ZNF385D: variants seen among roughly 807,000 people sequenced by gnomAD.
ZNF385D encodes the protein zinc finger protein 659.
Under a neutral mutation model 35.8 loss-of-function variants are expected in ZNF385D, and 15 were observed. The ratio of observed to expected loss-of-function variants is 0.42; its 90% CI spans 0.28 to 0.64. The LOEUF (loss-of-function observed/expected upper bound fraction) is 0.64. Ranked by LOEUF, ZNF385D falls within the 30% of genes least tolerant of loss-of-function variation. ZNF385D has a pLI of 0.23. For missense variants in ZNF385D, 474 were observed against 494.6 expected, an observed-to-expected ratio of 0.96 and a Z score of 0.39; for synonymous variants, 212 against 186.8, an observed-to-expected ratio of 1.13 and a Z score of -1.10.
At chr3:21,763,342 T>A (rs1414908059) in intron 3 of ZNF385D, among the ~76,000 whole-genome samples, 2 of 152,182 alleles carry the variant, frequency 1.3e-5, no homozygotes, top group Non-Finnish European at 2.9e-5. Context: ...TAACTCAGCA[T>A]TTTATCTTTT....
chr3:21,776,025 T>A (rs562124833), intron 3 of ZNF385D, among the ~76,000 whole-genome samples: 68 of 151,912 alleles, frequency 4.5e-4, no homozygotes, highest in Non-Finnish European at 5.6e-4. Flanking sequence ...CATATTAAAA[T>A]TTTATAGTAT....
At chr3:22,174,440 G>A (rs112337934) in intron 2 of ZNF385D, among the ~76,000 whole-genome samples, 467 of 152,240 alleles carry the variant, frequency 3.1e-3, no homozygotes, top group African/African-American at 0.011. Context: ...AAACCACAGT[G>A]TAAGTAGTTT....
chr3:22,242,709 G>A (rs915907607), intron 2 of ZNF385D, among the ~76,000 whole-genome samples: 1 of 150,942 alleles, frequency 6.6e-6, no homozygotes, highest in Non-Finnish European at 1.5e-5. Flanking sequence ...AAAATATCAG[G>A]AGAAAACAAT....
intron 1 of ZNF385D, among the ~76,000 whole-genome samples, chr3:21,718,097 A>C (rs2125439350): frequency 6.6e-6 from 1 of 152,290 alleles, no homozygotes; most frequent in Non-Finnish European, 1.5e-5. Flanking sequence ...GCACTTTTTA[A>C]ATCACTAGGC....
chr3:22,270,968 C>A (rs1221874029), intron 2 of ZNF385D, among the ~76,000 whole-genome samples: 1 of 151,900 alleles, frequency 6.6e-6, no homozygotes, highest in African/African-American at 2.4e-5. Flanking sequence ...GCTGCTTCTG[C>A]CTCTTGAGAG....
chr3:22,284,345 C>T (rs932242407), intron 2 of ZNF385D, among the ~76,000 whole-genome samples: 1 of 152,016 alleles, frequency 6.6e-6, no homozygotes, highest in East Asian at 1.9e-4. Context: ...CATGCCACCA[C>T]ACCCGGCTAT....
At chr3:21,621,382 A>G (rs372130224) in intron 2 of ZNF385D, among the ~76,000 whole-genome samples, 1 of 152,142 alleles carries the variant, frequency 6.6e-6, no homozygotes, top group East Asian at 1.9e-4. Flanking sequence ...AGAATAGTTC[A>G]TGGTGGGGAA....
chr3:21,548,593 G>A (rs2062461210), intron 3 of ZNF385D, among the ~76,000 whole-genome samples: 2 of 151,908 alleles, frequency 1.3e-5, no homozygotes, highest in East Asian at 1.9e-4. Flanking sequence ...CCATACTTAC[G>A]GTATTAGTAA....
At chr3:22,238,547 T>C (rs1699316740) in intron 2 of ZNF385D, among the ~76,000 whole-genome samples, 1 of 151,072 alleles carries the variant, frequency 6.6e-6, no homozygotes, top group African/African-American at 2.4e-5. Context: ...TTAATATTAT[T>C]CTTTGATGTT....
At chr3:21,840,820 T>C (rs1695621253) in intron 3 of ZNF385D, among the ~76,000 whole-genome samples, 1 of 152,022 alleles carries the variant, frequency 6.6e-6, no homozygotes, top group Admixed American at 6.6e-5. Flanking sequence ...TCACTACATA[T>C]ACTTATTATA....
Position 21,968,753 on chromosome 3 carries a change from T to G in ZNF385D, c.325+200064A>C, listed in dbSNP as rs140986891. On this transcript the variant is annotated intron_variant, in intron 3 of 5. Transcript: ENST00000494108. ...ACTTGCCGTGGACCTTGGGTGAAAC[T>G]CAGAGCTATGCTTGCTTTAGGTGTG... Among the ~76,000 whole-genome samples, 64 of 152,262 alleles carry G rather than the reference T, an allele frequency of 4.2e-4. No homozygotes were observed. In the East Asian group the frequency reaches 0.012, roughly 29 times the overall value.
chr3:22,340,131 TG>T (rs1695358184), intron 2 of ZNF385D, among the ~76,000 whole-genome samples: 1 of 152,186 alleles, frequency 6.6e-6, no homozygotes, highest in Non-Finnish European at 1.5e-5. Context: ...ATGACCTGCT[TG>T]GGGACAAATT....
intron 3 of ZNF385D, among the ~76,000 whole-genome samples, chr3:21,935,226 A>AT (rs1295001272): frequency 6.6e-6 from 1 of 152,162 alleles, no homozygotes; most frequent in African/African-American, 2.4e-5. Context: ...AATTAAGTCA[A>AT]TTTTTTGTGC....
chr3:22,077,418 G>A (rs559218351), intron 3 of ZNF385D, among the ~76,000 whole-genome samples: 8 of 151,934 alleles, frequency 5.3e-5, no homozygotes, highest in African/African-American at 1.9e-4. Context: ...GTCCAACATT[G>A]GTCATTACCT....
intron 3 of ZNF385D, among the ~76,000 whole-genome samples, chr3:22,161,154 G>A (rs1335708785): frequency 6.6e-6 from 1 of 151,840 alleles, no homozygotes; most frequent in Non-Finnish European, 1.5e-5. Flanking sequence ...AAATCTTAAT[G>A]CTTACCTAGA....
intron 3 of ZNF385D, among the ~76,000 whole-genome samples, chr3:21,873,993 T>C (rs1697830630): frequency 6.6e-6 from 1 of 151,670 alleles, no homozygotes; most frequent in African/African-American, 2.4e-5. Flanking sequence ...ATTTTTTTTT[T>C]TGTATAAATA....
At chr3:22,333,168 T>C (rs1695014858) in intron 2 of ZNF385D, among the ~76,000 whole-genome samples, 1 of 152,148 alleles carries the variant, frequency 6.6e-6, no homozygotes, top group South Asian at 2.1e-4. Context: ...TGATCAGACA[T>C]CTTCTGTAAT....
chr3:22,057,512 T>C (rs990304201), intron 3 of ZNF385D, among the ~76,000 whole-genome samples: 2 of 124,574 alleles, frequency 1.6e-5, no homozygotes, highest in Admixed American at 8.8e-5. Context: ...TCTTTTAAAG[T>C]ATTTTTTTTT....
chr3:21,862,830 A>G (rs1697131573), intron 3 of ZNF385D, among the ~76,000 whole-genome samples: 1 of 152,158 alleles, frequency 6.6e-6, no homozygotes, highest in Non-Finnish European at 1.5e-5. Context: ...GACCTAAGAA[A>G]GACCTAACTT....
Sources: allele counts gnomAD v4.1 joint callset (sites outside exome capture counted in the v4.1 genomes callset), GRCh38; gene constraint gnomAD v4.1.1; transcripts MANE v1.5; gene names NCBI Gene and HGNC (gene_info 2026-07-23, HGNC 2026-07-21).